The following URI1 variants were observed in gnomAD, a reference collection of about 807,000 sequenced individuals.
The protein encoded by URI1 is unconventional prefoldin RPB5 interactor 1.
Under a neutral mutation model 60.2 loss-of-function variants are expected in URI1, and 39 were observed. That is an observed-to-expected ratio of 0.65 (90% CI 0.50 to 0.85). URI1 has a LOEUF of 0.85. Ranked by LOEUF, URI1 falls within the 40% of genes least tolerant of loss-of-function variation. The pLI, the probability that URI1 is intolerant of heterozygous loss-of-function variation, is 0.00. For missense variants in URI1, 691 were observed against 665.9 expected, an observed-to-expected ratio of 1.04 and a Z score of -0.42; for synonymous variants, 251 against 236.8, an observed-to-expected ratio of 1.06 and a Z score of -0.55.
At chr19:29,949,688 A>G (rs1309346936) in intron 1 of URI1, among the ~76,000 whole-genome samples, 2 of 152,188 alleles carry the variant, frequency 1.3e-5, no homozygotes, top group Non-Finnish European at 2.9e-5. Flanking sequence ...CTGGCAGATC[A>G]CTCGCGGTTA....
At chr19:29,933,067 G>A (rs1200137197) in intron 1 of URI1, among the ~76,000 whole-genome samples, 1 of 152,174 alleles carries the variant, frequency 6.6e-6, no homozygotes, top group East Asian at 1.9e-4. Flanking sequence ...ATTTTGTTGA[G>A]AATTTTTGTG....
At chr19:29,965,493 C>T (rs2055381240) in intron 1 of URI1, among the ~76,000 whole-genome samples, 1 of 152,142 alleles carries the variant, frequency 6.6e-6, no homozygotes, top group African/African-American at 2.4e-5. Flanking sequence ...AAGTTTATGG[C>T]ATATTCATTG....
chr19:29,930,877 T>C (rs888201710), intron 1 of URI1, among the ~76,000 whole-genome samples: 3 of 117,524 alleles, frequency 2.6e-5, no homozygotes, highest in African/African-American at 9.2e-5. Flanking sequence ...TTTTTTTTTT[T>C]CTGTAGTTTT....
intron 2 of URI1, among the ~76,000 whole-genome samples, chr19:29,984,750 T>C (rs1178397089): frequency 6.6e-6 from 1 of 152,166 alleles, no homozygotes; most frequent in Non-Finnish European, 1.5e-5. Context: ...TTATGATACC[T>C]GGCCTACTGG....
chr19:29,956,494 G>C (rs1480390561), intron 1 of URI1: 5 of 1,588,348 alleles, frequency 3.1e-6, no homozygotes, highest in Non-Finnish European at 4.3e-6. Flanking sequence ...GTTTTTAACT[G>C]TTGTGGGTTG....
At chr19:29,945,789 A>G (rs1048617894) in intron 1 of URI1, among the ~76,000 whole-genome samples, 4 of 152,318 alleles carry the variant, frequency 2.6e-5, no homozygotes, top group East Asian at 1.9e-4. Flanking sequence ...CACATTTTAC[A>G]TAGGAAAACA....
intron 1 of URI1, among the ~76,000 whole-genome samples, chr19:29,944,169 A>ATATT (rs2055071829): frequency 1.3e-5 from 1 of 76,256 alleles, no homozygotes. Flanking sequence ...ATATATATAT[A>ATATT]TATATATATA....
intron 2 of URI1, among the ~76,000 whole-genome samples, chr19:29,977,745 A>C (rs545333290): frequency 6.6e-6 from 1 of 152,010 alleles, no homozygotes; most frequent in East Asian, 1.9e-4. Context: ...GGTGTGAGTT[A>C]GTACATGCGC....
intron 1 of URI1, among the ~76,000 whole-genome samples, chr19:29,932,131 C>T (rs549383402): frequency 4.0e-5 from 6 of 151,864 alleles, no homozygotes; most frequent in Non-Finnish European, 7.4e-5. Flanking sequence ...TGTCTTGTTC[C>T]CAATTTAGAG....
At chr19:29,953,114 T>C (rs957783156) in intron 1 of URI1, among the ~76,000 whole-genome samples, 2 of 152,232 alleles carry the variant, frequency 1.3e-5, no homozygotes, top group African/African-American at 4.8e-5. Flanking sequence ...ATCTGAAGGC[T>C]CATAATCTGA....
chr19:29,931,488 G>T (rs112062696), intron 1 of URI1, among the ~76,000 whole-genome samples: 31 of 152,162 alleles, frequency 2.0e-4, no homozygotes, highest in Non-Finnish European at 4.0e-4. Context: ...TTGAACCAAG[G>T]CCCCACCTTC....
intron 1 of URI1, among the ~76,000 whole-genome samples, chr19:29,958,256 G>C (rs2055276231): frequency 6.6e-6 from 1 of 151,924 alleles, no homozygotes; most frequent in South Asian, 2.1e-4. Context: ...TATTGTATGG[G>C]CTAGAACCTT....
At chr19:29,960,245 A>C (rs964565965) in intron 1 of URI1, among the ~76,000 whole-genome samples, 2 of 152,066 alleles carry the variant, frequency 1.3e-5, no homozygotes, top group Non-Finnish European at 1.5e-5. Context: ...TTGGAAAAAA[A>C]TGTTAATCCT....
At chr19:29,938,933 C>T (rs2054997140), upstream of URI1, among the ~76,000 whole-genome samples, 1 of 151,802 alleles carries the variant, frequency 6.6e-6, no homozygotes, top group Non-Finnish European at 1.5e-5. Context: ...ACCTCAGCCT[C>T]CCAAAGTGCT....
At chr19:29,958,624 A>G (rs2055280973) in intron 1 of URI1, among the ~76,000 whole-genome samples, 2 of 152,276 alleles carry the variant, frequency 1.3e-5, no homozygotes, top group African/African-American at 4.8e-5. Context: ...ACATGAGGCA[A>G]AATTCTGTAA....
At chr19:29,957,884 G>C (rs1378336214) in intron 1 of URI1, 1 of 145,240 alleles carries the variant, frequency 6.9e-6, no homozygotes, top group Non-Finnish European at 1.5e-5. Context: ...TAATTTACTT[G>C]CTATTCATTT....
intron 4 of URI1, among the ~76,000 whole-genome samples, chr19:29,995,965 G>A (rs576032919): frequency 1.1e-4 from 16 of 152,086 alleles, no homozygotes; most frequent in African/African-American, 2.9e-4. Flanking sequence ...TTTTTGGTCC[G>A]TAAGTCTGTA....
In URI1 at chr19:29,972,199, A is replaced by G. The variant is rs961657908; in HGVS notation, c.152+972A>G. Among the ~76,000 whole-genome samples, 17 of 152,070 alleles carry G rather than the reference A, an allele frequency of 1.1e-4. 1 individual carries two copies. Among genetic ancestry groups the G allele is most frequent in the South Asian group, 8.3e-4 (4 of 4,828 alleles). ...CACATCATCTTATTAAATTTTGACT[A>G]TTGGCTTGCAGAAAATAATCTAAAA... On this transcript the variant is annotated intron_variant, in intron 2 of 10. Transcript: ENST00000392271.
intron 1 of URI1, among the ~76,000 whole-genome samples, chr19:29,945,528 A>G (rs2055092744): frequency 6.6e-6 from 1 of 152,232 alleles, no homozygotes; most frequent in Non-Finnish European, 1.5e-5. Context: ...ATATTTTAAC[A>G]TTGCTTTCAC....
Sources: allele counts gnomAD v4.1 joint callset (sites outside exome capture counted in the v4.1 genomes callset), GRCh38; gene constraint gnomAD v4.1.1; transcripts MANE v1.5; gene names NCBI Gene and HGNC (gene_info 2026-07-23, HGNC 2026-07-21).